ELF1: variants seen among roughly 807,000 people sequenced by gnomAD.
The protein encoded by ELF1 is ETS-related transcription factor Elf-1.
In ELF1, 24 loss-of-function variants were observed where a neutral mutation model predicts 59.9. The observed-to-expected ratio is 0.40, with a 90% CI of 0.29 to 0.56. ELF1 has a LOEUF of 0.56. Among genes scored for constraint, ELF1 ranks in the 20% least tolerant of loss-of-function variants. ELF1 has a pLI of 0.44. For missense variants in ELF1, 627 were observed against 742.2 expected, an observed-to-expected ratio of 0.84 and a Z score of 1.80; for synonymous variants, 248 against 266.2, an observed-to-expected ratio of 0.93 and a Z score of 0.67.
intron 1 of ELF1, among the ~76,000 whole-genome samples, chr13:41,025,478 C>T (rs879313577): frequency 6.6e-6 from 1 of 151,962 alleles, no homozygotes; most frequent in African/African-American, 2.4e-5. Flanking sequence ...TTTATAAAGG[C>T]TTCAAGGAAC....
chr13:40,963,703 T>C (rs565365719), intron 2 of ELF1, among the ~76,000 whole-genome samples: 1 of 151,990 alleles, frequency 6.6e-6, no homozygotes, highest in East Asian at 1.9e-4. Context: ...GGTCAAGAGA[T>C]TGAGAACATC....
At chr13:40,970,433 T>G (rs1658132291) in intron 2 of ELF1, among the ~76,000 whole-genome samples, 1 of 152,164 alleles carries the variant, frequency 6.6e-6, no homozygotes, top group South Asian at 2.1e-4. Context: ...ACGGGAAAAA[T>G]ACGATCTCTA....
At chr13:40,940,815 C>T (rs2138125311) in intron 8 of ELF1, 106 bp downstream of exon 8, 1 of 1,291,896 alleles carries the variant, frequency 7.7e-7, no homozygotes, top group Non-Finnish European at 1.0e-6. Context: ...TAGCTTGAAA[C>T]CTTTATACTT....
At chr13:40,989,892 T>C (rs1350118687) in intron 1 of ELF1, among the ~76,000 whole-genome samples, 1 of 152,214 alleles carries the variant, frequency 6.6e-6, no homozygotes, top group Non-Finnish European at 1.5e-5. Context: ...CTGGATTAAC[T>C]ATTCAATTTA....
chr13:41,045,153 T>A (rs1254939771), intron 1 of ELF1, among the ~76,000 whole-genome samples: 1 of 152,126 alleles, frequency 6.6e-6, no homozygotes, highest in Non-Finnish European at 1.5e-5. Context: ...CCCTTTATCA[T>A]TTTTTATTGC....
rs1019859400 is a variant in ELF1, at chr13:41,036,871, G to A, written c.-229+23967C>T. On this transcript the variant is annotated intron_variant, in intron 1 of 1. Transcript: ENST00000405737. ...TTGCAAGGACAAGAAACCAAACACC[G>A]CATGTTCTCACTCATAGGTGGGAAT... Among the ~76,000 whole-genome samples, 7 of 151,622 alleles carry A rather than the reference G, an allele frequency of 4.6e-5. No individual in the cohort carries two copies. In the South Asian group the frequency reaches 8.3e-4, roughly 18 times the overall value.
upstream of ELF1, among the ~76,000 whole-genome samples, chr13:41,020,678 C>T (rs572756438): frequency 1.3e-5 from 2 of 152,134 alleles, no homozygotes; most frequent in Non-Finnish European, 2.9e-5. Context: ...TTTCTCCTGT[C>T]AAATGTCATA....
chr13:40,987,401 T>C (rs1873610547), intron 1 of ELF1, among the ~76,000 whole-genome samples: 1 of 148,840 alleles, frequency 6.7e-6, no homozygotes, highest in South Asian at 2.1e-4. Flanking sequence ...ACCAACATGG[T>C]GAAACCCCGT....
intron 1 of ELF1, among the ~76,000 whole-genome samples, chr13:41,024,914 A>G (rs990657686): frequency 1.1e-4 from 16 of 152,208 alleles, no homozygotes; most frequent in African/African-American, 3.9e-4. Context: ...CTCCTAACTG[A>G]CAGAATCTTT....
chr13:41,033,322 T>C (rs1207053268), intron 1 of ELF1, among the ~76,000 whole-genome samples: 2 of 152,240 alleles, frequency 1.3e-5, no homozygotes, highest in East Asian at 3.8e-4. Context: ...AAGGGACAGT[T>C]ATAATCCTTA....
intron 1 of ELF1, among the ~76,000 whole-genome samples, chr13:41,014,041 T>A (rs1261884600): frequency 6.6e-6 from 1 of 152,100 alleles, no homozygotes; most frequent in Non-Finnish European, 1.5e-5. Context: ...GCATGTAAAG[T>A]CATACTGGTG....
chr13:41,015,665 T>C (rs1324687897), intron 1 of ELF1, among the ~76,000 whole-genome samples: 2 of 152,168 alleles, frequency 1.3e-5, no homozygotes, highest in Non-Finnish European at 2.9e-5. Context: ...TGGGTGATTC[T>C]TTGTTACACC....
At chr13:40,947,140 G>T (rs1383307768) in intron 5 of ELF1, among the ~76,000 whole-genome samples, 1 of 147,834 alleles carries the variant, frequency 6.8e-6, no homozygotes, top group African/African-American at 2.5e-5. Context: ...AAAAAAAAAA[G>T]ATACACAAAT....
At chr13:41,021,039 AG>A, upstream of ELF1, among the ~76,000 whole-genome samples, 1 of 152,344 alleles carries the variant, frequency 6.6e-6, no homozygotes, top group South Asian at 2.1e-4. Flanking sequence ...CCATTATATA[AG>A]GTCAGTAAGT....
intron 1 of ELF1, among the ~76,000 whole-genome samples, chr13:41,000,227 T>C (rs934601043): frequency 2.0e-5 from 3 of 146,540 alleles, no homozygotes; most frequent in Non-Finnish European, 4.5e-5. Context: ...TGAGGCTGCA[T>C]TGAACCTGGC....
At chr13:41,051,403 C>T (rs1429847863) in intron 1 of ELF1, among the ~76,000 whole-genome samples, 1 of 151,968 alleles carries the variant, frequency 6.6e-6, no homozygotes, top group Non-Finnish European at 1.5e-5. Context: ...GTGGCTGTAC[C>T]CTTCCTTTCT....
At chr13:41,024,293 G>GT (rs1308104523), upstream of ELF1, among the ~76,000 whole-genome samples, 1 of 151,764 alleles carries the variant, frequency 6.6e-6, no homozygotes, top group Non-Finnish European at 1.5e-5. Flanking sequence ...TGCTGTTTTT[G>GT]TTTGTTTGTT....
Position 40,937,963 on chromosome 13 carries a change from C to G in ELF1, c.1256+2958G>C, listed in dbSNP as rs577751929. 5.3e-5 allele frequency among the ~76,000 whole-genome samples: 8 copies of G among 152,160 alleles called. No homozygotes were observed. The East Asian group carries it at 1.4e-3, about 26-fold the overall frequency. On this transcript the variant is annotated intron_variant, in intron 8 of 8. Coordinates refer to ENST00000239882, the MANE Select transcript of ELF1 (RefSeq NM_172373.4). ...TCCTGAGTAGCTAGGATTACAGGTG[C>G]CTGCCACCATACCCAGCTAATTTTT... is the stretch of plus-strand genomic sequence containing the variant.
chr13:41,039,920 T>G (rs917468539), intron 1 of ELF1, among the ~76,000 whole-genome samples: 2 of 152,142 alleles, frequency 1.3e-5, no homozygotes, highest in African/African-American at 4.8e-5. Context: ...ACAAAAGAAA[T>G]GTAGTCATAC....
Sources: gnomAD v4.1 joint callset for allele counts (sites outside exome capture counted in the v4.1 genomes callset) on GRCh38, gnomAD v4.1.1 for gene constraint, MANE v1.5 for transcripts, NCBI Gene and HGNC (gene_info 2026-07-23, HGNC 2026-07-21) for gene names.